Variants in NAA25 observed in about 807,000 individuals in gnomAD.
The protein encoded by NAA25 is N-alpha-acetyltransferase 25, NatB auxiliary subunit, also known as N-terminal acetyltransferase B complex subunit NAA25.
A neutral mutation model predicts 132.5 loss-of-function variants in NAA25; 30 were observed. That is an observed-to-expected ratio of 0.23 (90% CI 0.17 to 0.31). The LOEUF (loss-of-function observed/expected upper bound fraction) is 0.31. Ranked by LOEUF, NAA25 falls within the 10% of genes least tolerant of loss-of-function variation. NAA25 has a pLI of 1.00. For synonymous variants in NAA25, 359 were observed against 401.9 expected, an observed-to-expected ratio of 0.89 and a Z score of 1.28; for missense variants, 771 against 1,150.4, an observed-to-expected ratio of 0.67 and a Z score of 4.77.
rs747693587 is a variant in NAA25 at position 112,033,328 on chromosome 12, T to G, written c.2701A>C (p.Ile901Leu). The change falls in exon 23 of 24, where the codon ATT becomes CTT. Residue 901 changes from isoleucine to leucine, a missense_variant. By Grantham distance (5) the Ile-to-Leu change is conservative (BLOSUM62 2). This residue lies in a region of NAA25 where 324 missense variants were observed against 400.0 expected (regional missense o/e 0.81). Transcript: ENST00000261745. Reference protein sequence around the residue: ...QDYVTGLQTLISNVVDHIKGL... With the variant: ...QDYVTGLQTLLSNVVDHIKGL... Reference sequence around the variant, plus strand: ...TTAATATGATCCACAACATTGGAAATTAAAGTCTGAAGCCCAGTAACATAG... The same window carrying G: ...TTAATATGATCCACAACATTGGAAAGTAAAGTCTGAAGCCCAGTAACATAG... 1.2e-6 allele frequency: 2 copies of G among 1,613,276 alleles called. No homozygotes were observed. Among genetic ancestry groups the G allele is most frequent in the Middle Eastern group, 1.7e-4 (1 of 6,056 alleles).
chr12:112,074,534 A>T, intron 9 of NAA25, 141 bp downstream of exon 9: 1 of 487,670 alleles, frequency 2.1e-6, no homozygotes, highest in Non-Finnish European at 3.6e-6. Flanking sequence ...TTTATACTTT[A>T]AAAAATATGA....
At chr12:112,079,194 G>T (rs1289794932) in intron 5 of NAA25, among the ~76,000 whole-genome samples, 1 of 152,140 alleles carries the variant, frequency 6.6e-6, no homozygotes, top group Non-Finnish European at 1.5e-5. Context: ...ATTAACACAT[G>T]AAATTAATAA....
intron 1 of NAA25, among the ~76,000 whole-genome samples, chr12:112,104,493 C>T (rs1436532477): frequency 6.6e-6 from 1 of 152,126 alleles, no homozygotes; most frequent in Non-Finnish European, 1.5e-5. Flanking sequence ...TATTATCTCC[C>T]TCCATCCCTT....
chr12:112,036,876 C>T (rs200685367), intron 22 of NAA25, among the ~76,000 whole-genome samples: 10 of 148,290 alleles, frequency 6.7e-5, no homozygotes, highest in South Asian at 2.1e-4. Context: ...ACTGTGTGTG[C>T]GTGTGTGTGT....
intron 18 of NAA25, 113 bp from the exon 19 acceptor site, chr12:112,043,324 C>A: frequency 9.3e-7 from 1 of 1,078,468 alleles, no homozygotes; most frequent in Non-Finnish European, 1.3e-6. Flanking sequence ...AGCTAAAAGC[C>A]ACTAATCAGC....
At chr12:112,053,705 T>C in intron 14 of NAA25, 48 bp from the exon 15 acceptor site, 2 of 1,348,610 alleles carry the variant, frequency 1.5e-6, no homozygotes, top group Non-Finnish European at 2.1e-6. Flanking sequence ...TATACTTACT[T>C]ACCTAGCTCA....
chr12:112,072,151 G>T, intron 9 of NAA25, 87 bp from the exon 10 acceptor site: 1,001 of 640,336 alleles, frequency 1.6e-3, no homozygotes, highest in East Asian at 2.0e-3. Flanking sequence ...TTTAAAAAGA[G>T]AAAAACGACT....
chr12:112,049,665 T>G lies in NAA25; in HGVS notation c.1729-1222A>C. The G allele has an allele frequency of 4.1e-6, 4 of 984,786 alleles. No individual in the cohort carries two copies. The highest frequency in any genetic ancestry group is 4.8e-6 in the Non-Finnish European group (4 of 829,302). The allele number at this position is 984,786 out of a possible 1,614,324, so 61.0% of individuals were successfully genotyped here. A position where few individuals can be genotyped will look rare whatever the true frequency, so the allele number is the denominator to read the frequency against. On this transcript the variant is annotated intron_variant, in intron 15 of 23. Coordinates refer to ENST00000261745, the MANE Select transcript of NAA25 (RefSeq NM_024953.4). This position sits in a 1 kb window ranked among gnomAD's most constrained non-coding sequence, Gnocchi z 4.7. ...AGAAAATTAAAAAGATTACTTGTGATCCTGCAGGTTTCAAGAAGGACTACC... is the reference window on the plus strand; with the variant it reads ...AGAAAATTAAAAAGATTACTTGTGAGCCTGCAGGTTTCAAGAAGGACTACC...
chr12:112,041,880 C>T (rs908490489), intron 20 of NAA25, among the ~76,000 whole-genome samples, 159 bp downstream of exon 20: 1 of 152,186 alleles, frequency 6.6e-6, no homozygotes, highest in African/African-American at 2.4e-5. Context: ...TTCATTCACA[C>T]ACATATGTGT....
intron 21 of NAA25, chr12:112,039,914 C>A (rs2078279590): frequency 1.3e-5 from 2 of 153,884 alleles, no homozygotes. Context: ...ATAAAAATCT[C>A]TTAGGCACTT....
chr12:112,093,230 C>A, intron 1 of NAA25, 94 bp from the exon 2 acceptor site: 1 of 761,830 alleles, frequency 1.3e-6, no homozygotes, highest in South Asian at 1.6e-5. Context: ...TGGAAAATAT[C>A]TTAATTTGCT....
intron 11 of NAA25, among the ~76,000 whole-genome samples, chr12:112,066,474 A>G (rs1379318612): frequency 1.3e-5 from 2 of 151,756 alleles, no homozygotes; most frequent in Non-Finnish European, 2.9e-5. Context: ...CCAAATTCTG[A>G]GCTCCCTGTA....
chr12:112,074,055 G>T (rs914241545), intron 9 of NAA25, among the ~76,000 whole-genome samples: 1 of 151,882 alleles, frequency 6.6e-6, no homozygotes, highest in Non-Finnish European at 1.5e-5. Context: ...TAATTAAGCC[G>T]GGCGCAATGG....
intron 11 of NAA25, 92 bp from the exon 12 acceptor site, chr12:112,061,480 G>T: frequency 4.4e-6 from 4 of 908,060 alleles, no homozygotes; most frequent in Non-Finnish European, 5.0e-6. Flanking sequence ...TCTAGAAAAA[G>T]ACATCAAGAA....
intron 1 of NAA25, among the ~76,000 whole-genome samples, chr12:112,100,445 G>C (rs1263103234): frequency 6.6e-6 from 1 of 151,980 alleles, no homozygotes; most frequent in Non-Finnish European, 1.5e-5. Flanking sequence ...ACAGGCGTGA[G>C]CCACCACACC....
intron 2 of NAA25, 75 bp from the exon 3 acceptor site, chr12:112,090,939 A>T (rs999570386): frequency 5.8e-5 from 82 of 1,413,440 alleles, no homozygotes; most frequent in Admixed American, 2.9e-4. Flanking sequence ...GCCGATCTGA[A>T]AGAACAAGTA....
rs756371223 is a variant in NAA25, at chr12:112,047,682, G to T, written c.1989C>A (p.Ser663Arg). The change falls in exon 17 of 24, where the codon AGC becomes AGA. Residue 663 changes from serine to arginine, a missense_variant. Ser to Arg is a moderately radical substitution (Grantham distance 110, BLOSUM62 -1). Transcript: ENST00000261745. ...CCAGTTACCTGTCTTTTGGATCCCAGCTGAAAAAAACATTTAAGTCTCTGT... is the reference window on the plus strand; with the variant it reads ...CCAGTTACCTGTCTTTTGGATCCCATCTGAAAAAAACATTTAAGTCTCTGT... ...RDNRDLNVFF[S>R]WDPKDRDVSE... The T allele has an allele frequency of 1.9e-6, 3 of 1,612,628 alleles. No individual in the cohort carries two copies. Among genetic ancestry groups the T allele is most frequent in the Non-Finnish European group, 2.5e-6 (3 of 1,179,612 alleles).
chr12:112,088,244 C>A (rs1044920291), intron 3 of NAA25, among the ~76,000 whole-genome samples: 3 of 151,578 alleles, frequency 2.0e-5, no homozygotes. Flanking sequence ...AACACCATCT[C>A]TGCTTCTCCA....
intron 3 of NAA25, 138 bp downstream of exon 3, chr12:112,090,588 C>T (rs1336128812): frequency 7.9e-6 from 6 of 758,714 alleles, no homozygotes; most frequent in African/African-American, 1.8e-5. Flanking sequence ...CTACAGTTCT[C>T]GCAAACCCTG....
Sources: gnomAD v4.1 joint callset for allele counts (sites outside exome capture counted in the v4.1 genomes callset) on GRCh38, gnomAD v4.1.1 for gene constraint, gnomAD v4.1.1 regional missense constraint, Gnocchi (gnomAD v3.1) non-coding constraint, MANE v1.5 for transcripts, NCBI Gene and HGNC (gene_info 2026-07-23, HGNC 2026-07-21) for gene names.